Variants in KANSL1L observed in about 807,000 individuals in gnomAD.
KANSL1L encodes the protein KAT8 regulatory NSL complex subunit 1-like protein.
KANSL1L carries 25 observed loss-of-function variants against 108.6 expected under a neutral mutation model. That is an observed-to-expected ratio of 0.23 (90% CI 0.17 to 0.32). KANSL1L has a LOEUF of 0.32. KANSL1L is among the 10% of genes least tolerant of loss of function. The pLI is 1.00. For synonymous variants in KANSL1L, 405 were observed against 395.1 expected, an observed-to-expected ratio of 1.03 and a Z score of -0.30; for missense variants, 1,137 against 1,125.7, an observed-to-expected ratio of 1.01 and a Z score of -0.14.
intron 6 of KANSL1L, among the ~76,000 whole-genome samples, chr2:210,047,060 G>A (rs188023574): frequency 4.6e-5 from 7 of 151,620 alleles, no homozygotes; most frequent in Admixed American, 2.0e-4. Flanking sequence ...CCTATGCTGG[G>A]AGGGGCAGCC....
At chr2:210,159,214 G>A (rs1433064329) in intron 1 of KANSL1L, among the ~76,000 whole-genome samples, 1 of 152,110 alleles carries the variant, frequency 6.6e-6, no homozygotes, top group Non-Finnish European at 1.5e-5. Context: ...AGAAACACCG[G>A]CCTCTATGCT....
chr2:210,065,861 C>T (rs538467280), intron 6 of KANSL1L, among the ~76,000 whole-genome samples: 23 of 152,284 alleles, frequency 1.5e-4, no homozygotes, highest in African/African-American at 5.5e-4. Context: ...GCTGGGATAA[C>T]AGGCATTTGA....
chr2:210,026,223 C>T (rs1331672358), intron 12 of KANSL1L, among the ~76,000 whole-genome samples: 1 of 152,158 alleles, frequency 6.6e-6, no homozygotes. Flanking sequence ...AACATGACCA[C>T]TGGACATAGA....
intron 2 of KANSL1L, among the ~76,000 whole-genome samples, chr2:210,140,901 T>C (rs1464643754): frequency 6.6e-6 from 1 of 152,176 alleles, no homozygotes; most frequent in African/African-American, 2.4e-5. Context: ...TTAAGTAGGA[T>C]GGTTTTCTTT....
intron 3 of KANSL1L, among the ~76,000 whole-genome samples, chr2:210,128,681 C>G (rs2095091289): frequency 6.6e-6 from 1 of 152,000 alleles, no homozygotes; most frequent in South Asian, 2.1e-4. Flanking sequence ...GCGACAGATG[C>G]ACAACATTAC....
chr2:210,083,058 A>T (rs762149207), intron 5 of KANSL1L, among the ~76,000 whole-genome samples: 3 of 152,194 alleles, frequency 2.0e-5, no homozygotes, highest in Non-Finnish European at 4.4e-5. Context: ...TGATTTCCTT[A>T]CAAGAAGAGA....
intron 6 of KANSL1L, among the ~76,000 whole-genome samples, chr2:210,072,095 A>G (rs2094511856): frequency 6.6e-6 from 1 of 152,202 alleles, no homozygotes; most frequent in South Asian, 2.1e-4. Context: ...AATTGTCCCA[A>G]TAATTTTTTT....
At chr2:210,100,664 T>C (rs2094785024) in intron 4 of KANSL1L, among the ~76,000 whole-genome samples, 1 of 152,316 alleles carries the variant, frequency 6.6e-6, no homozygotes, top group Admixed American at 6.5e-5. Context: ...TTTCAGACAG[T>C]GTCTCGTTCT....
At chr2:210,116,074 C>T (rs1162436490) in intron 3 of KANSL1L, among the ~76,000 whole-genome samples, 1 of 152,312 alleles carries the variant, frequency 6.6e-6, no homozygotes, top group Non-Finnish European at 1.5e-5. Context: ...AAGGGAGAGA[C>T]TCAGGACTGG....
At chr2:210,156,986 G>A (rs1454008886) in intron 1 of KANSL1L, among the ~76,000 whole-genome samples, 23 of 97,514 alleles carry the variant, frequency 2.4e-4, no homozygotes, top group Non-Finnish European at 2.5e-4. Flanking sequence ...TATCCTAAAT[G>A]CAAAAAAAAA....
At chr2:210,119,016 T>A (rs972125843) in intron 3 of KANSL1L, among the ~76,000 whole-genome samples, 3 of 151,746 alleles carry the variant, frequency 2.0e-5, no homozygotes, top group Non-Finnish European at 4.4e-5. Flanking sequence ...AAACTCTGTC[T>A]CTACTAAAAA....
In KANSL1L at chr2:210,129,130, T is replaced by C. The variant is rs776959511; in HGVS notation, c.1131A>G (p.Arg377=). Residue 377 remains arginine, a synonymous_variant, in exon 3 of 15, where the codon CGA becomes CGG. Transcript: ENST00000281772. ...GAAGCCAAGTCCATCGGCTGCCAAC[T>C]CGTGCTCTGTCTACAAGCCACTTCC... The part of the protein sequence containing the change: ...TEWKWLVDRA[R]VGSRWTWLQA... The C allele has an allele frequency of 1.2e-6, 2 of 1,613,940 alleles. No homozygotes were observed. The highest frequency in any genetic ancestry group is 1.7e-5 in the Admixed American group (1 of 59,994).
At chr2:210,048,187 C>T (rs1036942828) in intron 6 of KANSL1L, among the ~76,000 whole-genome samples, 2 of 152,168 alleles carry the variant, frequency 1.3e-5, no homozygotes, top group African/African-American at 2.4e-5. Context: ...TAAAACATCA[C>T]CAAAAGCATC....
At chr2:210,132,203 A>C (rs2095127826) in intron 2 of KANSL1L, among the ~76,000 whole-genome samples, 1 of 152,218 alleles carries the variant, frequency 6.6e-6, no homozygotes, top group Non-Finnish European at 1.5e-5. Flanking sequence ...GTTATACCCC[A>C]AAGTCAAACA....
At chr2:210,048,565 A>ATG (rs1246691891) in intron 6 of KANSL1L, among the ~76,000 whole-genome samples, 1 of 152,058 alleles carries the variant, frequency 6.6e-6, no homozygotes, top group Non-Finnish European at 1.5e-5. Context: ...GTGTGTATAT[A>ATG]TGTGTGTATA....
At chr2:210,100,290 C>A (rs1459087933) in intron 4 of KANSL1L, among the ~76,000 whole-genome samples, 1 of 152,110 alleles carries the variant, frequency 6.6e-6, no homozygotes, top group Non-Finnish European at 1.5e-5. Context: ...CCCCACCCTG[C>A]GGAAAAATTG....
intron 5 of KANSL1L, among the ~76,000 whole-genome samples, chr2:210,083,829 C>CAAAAA: frequency 1.9e-5 from 1 of 52,890 alleles, no homozygotes; most frequent in Middle Eastern, 9.8e-3. Flanking sequence ...GACTCCATCT[C>CAAAAA]AAAAAAAAAA....
intron 5 of KANSL1L, chr2:210,097,371 C>A: frequency 2.6e-6 from 2 of 783,228 alleles, no homozygotes; most frequent in Non-Finnish European, 3.1e-6. Flanking sequence ...ACACTTAGTT[C>A]TCTATGGTAA....
At chr2:210,142,562 A>G (rs886512759) in intron 2 of KANSL1L, among the ~76,000 whole-genome samples, 16 of 152,024 alleles carry the variant, frequency 1.1e-4, no homozygotes, top group African/African-American at 2.7e-4. Context: ...TCCTTGAAGT[A>G]TAATGTTGTT....
Sources: gnomAD v4.1 joint callset for allele counts (sites outside exome capture counted in the v4.1 genomes callset) on GRCh38, gnomAD v4.1.1 for gene constraint, MANE v1.5 for transcripts, NCBI Gene and HGNC (gene_info 2026-07-23, HGNC 2026-07-21) for gene names.